Variants in SYT6 observed in about 807,000 individuals in gnomAD.
SYT6 encodes the protein synaptotagmin 6.
Under a neutral mutation model 38.4 loss-of-function variants are expected in SYT6, and 24 were observed. The ratio of observed to expected loss-of-function variants is 0.62; its 90% CI spans 0.45 to 0.88. SYT6 has a LOEUF of 0.88. Among genes scored for constraint, SYT6 ranks in the 40% least tolerant of loss-of-function variants. The probability of loss-of-function intolerance (pLI) is 0.00; values close to 1 mark genes in which losing one functional copy is unlikely to be tolerated. For synonymous variants in SYT6, 265 were observed against 241.9 expected (o/e 1.10, Z -0.89); for missense variants, 611 against 621.0 (o/e 0.98, Z 0.17).
At position 114,139,736 on chromosome 1, in the gene SYT6, C is replaced by T; in HGVS notation, c.391G>A (p.Ala131Thr). Residue 131 changes from alanine (A) to threonine (T), a missense_variant, in exon 2 of 8, where the codon GCC (alanine) becomes ACC (threonine). Transcript: ENST00000610222. ...GGGGACGTGTGGCTGATCTTCACGG[C>T]CGCCTCCAGGAAGCCCAGGGTGCTG... Reference protein sequence around the residue: ...DPSTLGFLEAAVKISHTSPDI... With the variant: ...DPSTLGFLEATVKISHTSPDI... 4 of 1,614,134 alleles carry T rather than the reference C, an allele frequency of 2.5e-6. No individual in the cohort carries two copies. The highest frequency in any genetic ancestry group is 1.7e-5 in the Admixed American group (1 of 60,016).
At chr1:114,115,693 G>T (rs905487219) in intron 3 of SYT6, among the ~76,000 whole-genome samples, 1 of 152,142 alleles carries the variant, frequency 6.6e-6, no homozygotes, top group Non-Finnish European at 1.5e-5. Flanking sequence ...GGGATTACAG[G>T]CATGAGCCAC....
In SYT6 at chr1:114,093,811, A is replaced by G. The variant is rs1675464825; in HGVS notation, c.1516-8T>C. ...TCACAACCGAGGGTTTCCCTGGTGA[A>G]ATATTTTAGATAAATAAATGCCTGG... On this transcript the variant is annotated splice_polypyrimidine_tract_variant and splice_region_variant and intron_variant, in intron 6 of 7. Transcript: ENST00000610222. 2.5e-6 allele frequency: 4 copies of G among 1,614,044 alleles called. No homozygotes were observed. The East Asian group carries it at 8.9e-5, about 36-fold the overall frequency.
Position 114,139,902 on chromosome 1 carries a change from A to G in SYT6, c.225T>C (p.Val75=), listed in dbSNP as rs763943727. The change falls in exon 2 of 8, where the codon GTT becomes GTC. Residue 75 remains valine, a synonymous_variant. Coordinates refer to ENST00000610222, the MANE Select transcript of SYT6 (RefSeq NM_001253772.2). ...ACAGCTTCCAAAAGAGAAAGAGAAA[A>G]ACTGCCACCAGGGCCACGCCACACA... ...VIVCGVALVA[V]FLFLFWKLCW... 1 of 1,532,952 alleles carries G rather than the reference A, an allele frequency of 6.5e-7. No individual in the cohort carries two copies. The highest frequency in any genetic ancestry group is 8.7e-7 in the Non-Finnish European group (1 of 1,143,246). 95.0% of individuals were successfully genotyped at this position (1,532,952 alleles called of 1,614,324 possible).
intron 3 of SYT6, among the ~76,000 whole-genome samples, chr1:114,126,069 C>T (rs1421138653): frequency 6.6e-6 from 1 of 152,058 alleles, no homozygotes; most frequent in Non-Finnish European, 1.5e-5. Flanking sequence ...GAAAACAAGG[C>T]AAGAGAATTT....
Position 114,089,910 on chromosome 1 carries a change from A to G in SYT6, c.*2224T>C, listed in dbSNP as rs1213110715. 1 of 152,364 alleles carries G rather than the reference A, an allele frequency of 6.6e-6. No individual in the cohort carries two copies. Among genetic ancestry groups the G allele is most frequent in the Non-Finnish European group, 1.5e-5 (1 of 68,052 alleles). 9.4% of individuals were successfully genotyped at this position (152,364 alleles called of 1,614,324 possible). A position where few individuals can be genotyped will look rare whatever the true frequency, so the allele number is the denominator to read the frequency against. ...TCATGGGAGATAGCTGCTTGGATAT[A>G]AGAGGAATGTCTCAGATGAGCAATA... On this transcript the variant is annotated 3_prime_UTR_variant, in exon 8 of 8. Transcript: ENST00000610222.
chr1:114,099,275 T>A lies in SYT6; in HGVS notation c.1193-10A>T. 6.2e-7 allele frequency: 1 copy of A among 1,608,020 alleles called. No individual in the cohort carries two copies. Among genetic ancestry groups the A allele is most frequent in the Non-Finnish European group, 8.5e-7 (1 of 1,176,970 alleles). The stretch of plus-strand genomic sequence containing the variant: ...ACTTTCACATAGGGATCTGTGCCAA[T>A]GGGGACAGAGAAAAGGGAATGGAGT... On this transcript the variant is annotated splice_polypyrimidine_tract_variant and intron_variant, in intron 4 of 7. Coordinates refer to ENST00000610222, the MANE Select transcript of SYT6 (RefSeq NM_001253772.2).
At chr1:114,112,611 G>C (rs1490327560) in intron 3 of SYT6, among the ~76,000 whole-genome samples, 1 of 152,230 alleles carries the variant, frequency 6.6e-6, no homozygotes, top group East Asian at 1.9e-4. Context: ...TTTTAGAAGA[G>C]ATGGCAGTAA....
At chr1:114,107,795 TC>T (rs1298327952) in intron 3 of SYT6, among the ~76,000 whole-genome samples, 1 of 152,200 alleles carries the variant, frequency 6.6e-6, no homozygotes, top group Admixed American at 6.5e-5. Context: ...TTCAGTCAGA[TC>T]CCACATGGCT....
chr1:114,092,064 T>C lies in SYT6; in HGVS notation c.*70A>G. On this transcript the variant is annotated 3_prime_UTR_variant, in exon 8 of 8. Transcript: ENST00000610222. ...GGGCACGAGCTCTCACTGTCGAAGC[T>C]AGCAGCTCGGCCCTGCCACTGCAAA... The C allele has an allele frequency of 3.9e-6, 6 of 1,536,286 alleles. No homozygotes were observed. Among genetic ancestry groups the C allele is most frequent in the Non-Finnish European group, 5.2e-6 (6 of 1,146,894 alleles).
chr1:114,124,980 G>A (rs1557752280), intron 3 of SYT6, among the ~76,000 whole-genome samples: 2 of 152,196 alleles, frequency 1.3e-5, no homozygotes, highest in Non-Finnish European at 2.9e-5. Flanking sequence ...TGGCACACAG[G>A]AGGCCAAGAA....
At chr1:114,120,821 C>T (rs114884148) in intron 3 of SYT6, among the ~76,000 whole-genome samples, 52 of 152,342 alleles carry the variant, frequency 3.4e-4, no homozygotes, top group African/African-American at 1.1e-3. Context: ...CCCTGGGGCA[C>T]CTGCACTCAG....
chr1:114,141,470 A>G (rs927627058), intron 1 of SYT6, among the ~76,000 whole-genome samples: 5 of 152,244 alleles, frequency 3.3e-5, no homozygotes, highest in African/African-American at 1.2e-4. Context: ...GCTGCAGAAG[A>G]AACGTTTGAA....
chr1:114,126,844 C>T (rs1216580004), intron 3 of SYT6, among the ~76,000 whole-genome samples: 1 of 152,160 alleles, frequency 6.6e-6, no homozygotes, highest in Non-Finnish European at 1.5e-5. Context: ...GGGCTGCGGT[C>T]TGGTTGCCAG....
chr1:114,130,007 C>T (rs1359142931), intron 3 of SYT6, among the ~76,000 whole-genome samples: 1 of 152,044 alleles, frequency 6.6e-6, no homozygotes, highest in Non-Finnish European at 1.5e-5. Context: ...TTTGATCATG[C>T]CAGATGCCAT....
At chr1:114,120,740 A>T (rs913974806) in intron 3 of SYT6, among the ~76,000 whole-genome samples, 1 of 152,242 alleles carries the variant, frequency 6.6e-6, no homozygotes, top group Non-Finnish European at 1.5e-5. Context: ...TGTAAATTCA[A>T]CAGTGGTATA....
chr1:114,139,516 T>C (rs1678721340), intron 2 of SYT6, 99 bp downstream of exon 2: 1 of 1,502,438 alleles, frequency 6.7e-7, no homozygotes, highest in Non-Finnish European at 9.0e-7. Flanking sequence ...ATATGTGTTA[T>C]TATTTCTGGT....
At position 114,099,127 on chromosome 1, in the gene SYT6, A is replaced by C; in HGVS notation, c.1331T>G (p.Val444Gly). Residue 444 changes from valine to glycine, a missense_variant, in exon 5 of 8, where the codon GTC becomes GGC. Physicochemically the swap from Val to Gly is moderately radical, Grantham distance 109 (BLOSUM62 -3). Transcript: ENST00000610222. ...GTCCATGACTGAGATGAGCAGGCTG[A>C]CTTGATCCATGTTTTCCGGGGGAAT... is the stretch of plus-strand genomic sequence containing the variant. ...FDIPPENMDQ[V>G]SLLISVMDYD... The C allele has an allele frequency of 6.2e-7, 1 of 1,614,032 alleles. No homozygotes were observed. The highest frequency in any genetic ancestry group is 8.5e-7 in the Non-Finnish European group (1 of 1,179,930).
At chr1:114,092,962 G>A (rs184881563) in intron 7 of SYT6, among the ~76,000 whole-genome samples, 10 of 152,340 alleles carry the variant, frequency 6.6e-5, no homozygotes, top group Admixed American at 2.6e-4. Flanking sequence ...GGGCTGAAGA[G>A]ACCCAGTACT....
chr1:114,122,075 G>A (rs778941021), intron 3 of SYT6, among the ~76,000 whole-genome samples: 2 of 152,202 alleles, frequency 1.3e-5, no homozygotes, highest in African/African-American at 2.4e-5. Flanking sequence ...CAAGTCTGCC[G>A]TTGGATCCGT....
Sources: allele counts gnomAD v4.1 joint callset (sites outside exome capture counted in the v4.1 genomes callset), GRCh38; gene constraint gnomAD v4.1.1; transcripts MANE v1.5; gene names NCBI Gene and HGNC (gene_info 2026-07-23, HGNC 2026-07-21).